Variants in TCF7 observed in about 807,000 individuals in gnomAD.
TCF7 encodes transcription factor 7.
Under a neutral mutation model 46.8 loss-of-function variants are expected in TCF7, and 19 were observed. That is an observed-to-expected ratio of 0.41 (90% CI 0.28 to 0.60). The LOEUF (loss-of-function observed/expected upper bound fraction) is 0.60. TCF7 is among the 20% of genes least tolerant of loss of function. The probability of loss-of-function intolerance (pLI) is 0.35; values close to 1 mark genes in which losing one functional copy is unlikely to be tolerated. For missense variants in TCF7, 547 were observed against 504.6 expected, an observed-to-expected ratio of 1.08 and a Z score of -0.81; for synonymous variants, 245 against 213.4, an observed-to-expected ratio of 1.15 and a Z score of -1.29.
At chr5:134,142,945 C>G (rs570684825) in intron 7 of TCF7, 48 bp from the exon 8 acceptor site, 1 of 1,612,284 alleles carries the variant, frequency 6.2e-7, no homozygotes, top group African/African-American at 1.3e-5. Flanking sequence ...CCTGGTGCAG[C>G]CTGCTGACTC....
chr5:134,146,411 G>T lies in TCF7; in HGVS notation c.*108G>T, dbSNP rs1196815661. 4 of 1,372,264 alleles carry T rather than the reference G, an allele frequency of 2.9e-6. No homozygotes were observed. The highest frequency in any genetic ancestry group is 4.2e-6 in the Non-Finnish European group (4 of 960,470). 85.0% of individuals were successfully genotyped at this position (1,372,264 alleles called of 1,614,324 possible). ...TGCGGAGCCGGCACCTACATCCCCA[G>T]GTCTCTCCACTGCTCTCAGCCTCCC... On this transcript the variant is annotated 3_prime_UTR_variant, in exon 10 of 10. Transcript: ENST00000342854.
chr5:134,120,278 G>A (rs1561653466), intron 3 of TCF7, among the ~76,000 whole-genome samples: 1 of 152,124 alleles, frequency 6.6e-6, no homozygotes, highest in Non-Finnish European at 1.5e-5. Context: ...GCGTCCAGGG[G>A]ACCCCTCCCT....
Position 134,114,684 on chromosome 5 carries a change from C to CGGCCGGCGGCGCCTTTGATGTTCCG in TCF7, c.-222_-198dup. 1 of 186,350 alleles carries CGGCCGGCGGCGCCTTTGATGTTCCG rather than the reference C, an allele frequency of 5.4e-6. No individual in the cohort carries two copies. 11.5% of individuals were successfully genotyped at this position (186,350 alleles called of 1,614,324 possible). On this transcript the variant is annotated 5_prime_UTR_variant, in exon 1 of 10. In the 5' UTR this introduces an upstream ATG that the reference lacks. Coordinates refer to ENST00000342854, the MANE Select transcript of TCF7 (RefSeq NM_003202.5). ...CAGTGCCCGCCCCGCCCCCGGCACTCGGCCGGCGGCGCCTTTGATGTTCCG... is the reference window on the plus strand; with the variant it reads ...CAGTGCCCGCCCCGCCCCCGGCACTCGGCCGGCGGCGCCTTTGATGTTCCGGGCCGGCGGCGCCTTTGATGTTCCG...
At chr5:134,115,604 G>T (rs938697998) in intron 2 of TCF7, 2 of 1,431,326 alleles carry the variant, frequency 1.4e-6, no homozygotes, top group African/African-American at 2.9e-5. Context: ...ACAGACCCCC[G>T]CCATCCCCGC....
chr5:134,140,977 C>T (rs773701754), intron 5 of TCF7: 2 of 327,294 alleles, frequency 6.1e-6, no homozygotes, highest in East Asian at 1.1e-4. Context: ...CAGTGCTTGC[C>T]CTGTGTTAGT....
upstream of TCF7, among the ~76,000 whole-genome samples, chr5:134,112,009 G>C (rs1182519826): frequency 2.0e-5 from 3 of 152,226 alleles, no homozygotes; most frequent in East Asian, 5.8e-4. Flanking sequence ...CTGGCACATA[G>C]TAATCACTCA....
chr5:134,121,624 T>G (rs1756597524), intron 3 of TCF7, among the ~76,000 whole-genome samples: 7 of 149,128 alleles, frequency 4.7e-5, no homozygotes, highest in Admixed American at 4.0e-4. Context: ...CTCATGGCCA[T>G]CAGCCTGGGA....
chr5:134,113,976 T>C (rs998342703), upstream of TCF7, among the ~76,000 whole-genome samples: 1 of 152,270 alleles, frequency 6.6e-6, no homozygotes, highest in South Asian at 2.1e-4. Context: ...GGGAGAGTCA[T>C]AGGGGCTGGG....
intron 3 of TCF7, among the ~76,000 whole-genome samples, chr5:134,129,423 G>A (rs536270374): frequency 2.0e-5 from 3 of 152,190 alleles, no homozygotes; most frequent in Non-Finnish European, 4.4e-5. Context: ...CTCGGTCCAC[G>A]GTGGGCTCCT....
At chr5:134,134,889 G>C (rs1328698210) in intron 3 of TCF7, among the ~76,000 whole-genome samples, 1 of 152,212 alleles carries the variant, frequency 6.6e-6, no homozygotes, top group Non-Finnish European at 1.5e-5. Flanking sequence ...GGAAGCCCCA[G>C]GCATTGTGAA....
chr5:134,115,662 A>G, intron 2 of TCF7: 2 of 1,430,396 alleles, frequency 1.4e-6, no homozygotes, highest in East Asian at 2.6e-5. Flanking sequence ...TTCAGGAGAC[A>G]GAATTGGCCA....
chr5:134,143,506 C>T (rs1760201872), intron 8 of TCF7, 86 bp from the exon 9 acceptor site: 2 of 1,564,068 alleles, frequency 1.3e-6, no homozygotes, highest in Non-Finnish European at 1.8e-6. Flanking sequence ...CCCAGAATCC[C>T]AGGGTTACCC....
chr5:134,121,431 A>G (rs974139836), intron 3 of TCF7, among the ~76,000 whole-genome samples: 2 of 151,978 alleles, frequency 1.3e-5, no homozygotes, highest in Non-Finnish European at 2.9e-5. Flanking sequence ...TAAAAATACA[A>G]AAATTAGCCG....
intron 1 of TCF7, 50 bp from the exon 2 acceptor site, chr5:134,115,271 C>A: frequency 6.7e-7 from 1 of 1,497,554 alleles, no homozygotes; most frequent in Non-Finnish European, 8.9e-7. Flanking sequence ...GCGTCGGCCC[C>A]GACCCCCGCG....
chr5:134,145,614 T>C (rs1163698071), intron 9 of TCF7: 3 of 947,448 alleles, frequency 3.2e-6, no homozygotes, highest in African/African-American at 3.3e-5. Context: ...AGCCTCTCAG[T>C]GTACCCACCA....
chr5:134,141,930 A>C, intron 5 of TCF7: 1 of 385,096 alleles, frequency 2.6e-6, no homozygotes, highest in Non-Finnish European at 4.6e-6. Context: ...AAGGGGACAG[A>C]TTCAAAAGCT....
intron 3 of TCF7, among the ~76,000 whole-genome samples, chr5:134,131,685 A>G (rs1251844099): frequency 6.6e-6 from 1 of 152,248 alleles, no homozygotes; most frequent in African/African-American, 2.4e-5. Context: ...ATGACTAACC[A>G]GCAGACCCTG....
intron 3 of TCF7, 195 bp downstream of exon 3, chr5:134,116,228 A>G: frequency 7.9e-7 from 1 of 1,268,404 alleles, no homozygotes; most frequent in Non-Finnish European, 1.0e-6. Context: ...GCCCTGGGGC[A>G]CCCCCCTGCC....
intron 3 of TCF7, among the ~76,000 whole-genome samples, chr5:134,119,339 G>C (rs1250588427): frequency 6.6e-6 from 1 of 152,178 alleles, no homozygotes; most frequent in Non-Finnish European, 1.5e-5. Flanking sequence ...CGGAAGAGGG[G>C]CCCAGGGAGC....
Sources: allele counts gnomAD v4.1 joint callset (sites outside exome capture counted in the v4.1 genomes callset), GRCh38; gene constraint gnomAD v4.1.1; transcripts MANE v1.5; gene names NCBI Gene and HGNC (gene_info 2026-07-23, HGNC 2026-07-21).